The following CEP295 variants were observed in gnomAD, a reference collection of about 807,000 sequenced individuals.
CEP295 encodes the protein centrosomal protein 295.
A neutral mutation model predicts 291.6 loss-of-function variants in CEP295; 190 were observed. That is an observed-to-expected ratio of 0.65 (90% CI 0.58 to 0.73). The LOEUF is 0.73. Among genes scored for constraint, CEP295 ranks in the 30% least tolerant of loss-of-function variants. The pLI is 0.00. For missense variants in CEP295, 2,863 were observed against 2,949.4 expected, an observed-to-expected ratio of 0.97 and a Z score of 0.68; for synonymous variants, 993 against 1,038.8, an observed-to-expected ratio of 0.96 and a Z score of 0.85.
intron 24 of CEP295, 48 bp downstream of exon 24, chr11:93,727,685 G>GA: frequency 1.4e-6 from 2 of 1,416,220 alleles, no homozygotes; most frequent in East Asian, 2.5e-5. Flanking sequence ...TCCTTTTTGG[G>GA]AAAAAACTTT....
In CEP295 at chr11:93,727,476, A is replaced by G. The variant is rs1183327243; in HGVS notation, c.7000A>G (p.Ile2334Val). Residue 2334 changes from isoleucine to valine, a missense_variant, in exon 24 of 30, where the codon ATT (isoleucine) becomes GTT (valine). By Grantham distance (29) the Ile-to-Val change is conservative (BLOSUM62 3). Around this residue, in one of 3 missense-constraint regions of CEP295, gnomAD observed 2,295 missense variants for 2,335.7 expected, o/e 0.98. Coordinates refer to ENST00000325212, the MANE Select transcript of CEP295 (RefSeq NM_033395.2). The stretch of plus-strand genomic sequence containing the variant: ...AAGAACAGTGGAGATGGGAACTTCA[A>G]TTCAGGCACCATATTCCTTAACTAC... ...CVRTVEMGTS[I>V]QAPYSLTTQN... 10 of 1,551,912 alleles carry G rather than the reference A, an allele frequency of 6.4e-6. No individual in the cohort carries two copies. Among genetic ancestry groups the G allele is most frequent in the Middle Eastern group, 3.3e-4 (2 of 6,018 alleles).
At chr11:93,681,385 C>T (rs571988820) in intron 7 of CEP295, among the ~76,000 whole-genome samples, 6 of 137,120 alleles carry the variant, frequency 4.4e-5, no homozygotes, top group Admixed American at 1.5e-4. Flanking sequence ...TACAGGCTCG[C>T]GTCACCACAC....
chr11:93,669,761 T>G lies in CEP295; in HGVS notation c.519T>G (p.Thr173=), dbSNP rs1303451134. The change falls in exon 5 of 30, where the codon ACT becomes ACG. Residue 173 remains threonine, a synonymous_variant. Transcript: ENST00000325212. ...KITSLPPPPP[T]LFENIEVKRI... The stretch of plus-strand genomic sequence containing the variant: ...CAAGTCTGCCACCTCCTCCTCCAAC[T>G]CTTTTTGAGGTGAGTTTGAGTATTA... The G allele has an allele frequency of 1.9e-6, 3 of 1,547,874 alleles. No homozygotes were observed. In the Admixed American group the frequency reaches 5.9e-5, roughly 30 times the overall value.
At chr11:93,696,542 T>G in intron 14 of CEP295, 125 bp downstream of exon 14, 1 of 1,031,314 alleles carries the variant, frequency 9.7e-7, no homozygotes, top group African/African-American at 1.6e-5. Flanking sequence ...CTGCCATTCT[T>G]AAAGGACAAT....
At chr11:93,674,618 G>A (rs557588158) in intron 5 of CEP295, among the ~76,000 whole-genome samples, 19 of 152,274 alleles carry the variant, frequency 1.2e-4, no homozygotes, top group African/African-American at 4.3e-4. Context: ...ATGGTATAGC[G>A]ATAGCTATAA....
chr11:93,725,989 AT>A (rs1954104143), intron 23 of CEP295, among the ~76,000 whole-genome samples, 158 bp downstream of exon 23: 1 of 152,180 alleles, frequency 6.6e-6, no homozygotes, highest in Non-Finnish European at 1.5e-5. Context: ...TAATACATGC[AT>A]TTTTTTAAAC....
chr11:93,721,629 C>T (rs1555006629), intron 19 of CEP295: 1 of 722,860 alleles, frequency 1.4e-6, no homozygotes, highest in Non-Finnish European at 2.6e-6. Flanking sequence ...AGAAGCAAAA[C>T]TATAAAACAA....
rs1305024563 is a variant in CEP295, at chr11:93,702,476, T to A, written c.5291T>A (p.Val1764Asp). 1 of 1,536,904 alleles carries A rather than the reference T, an allele frequency of 6.5e-7. No individual in the cohort carries two copies. The highest frequency in any genetic ancestry group is 1.4e-5 in the African/African-American group (1 of 72,206). ...FKDSQISKPT[V>D]ENDLKTQKMG... ...CTTTTTCAGATAAGTAAGCCCACAG[T>A]TGAAAATGATTTAAAAACCCAGAAG... Residue 1764 changes from valine to aspartate, a missense_variant, in exon 16 of 30, where the codon GTT (valine) becomes GAT (aspartate). Val to Asp is a radical substitution (Grantham distance 152). Transcript: ENST00000325212.
intron 17 of CEP295, among the ~76,000 whole-genome samples, chr11:93,705,414 G>A (rs1226185777): frequency 6.6e-6 from 1 of 152,140 alleles, no homozygotes; most frequent in African/African-American, 2.4e-5. Context: ...AAATAAGGTT[G>A]AGAAATACTG....
chr11:93,708,408 G>T (rs1952663935), intron 18 of CEP295, among the ~76,000 whole-genome samples: 1 of 152,112 alleles, frequency 6.6e-6, no homozygotes, highest in Admixed American at 6.5e-5. Context: ...TGTGAAGTTT[G>T]TCTTTCTGTG....
At chr11:93,687,400 T>A (rs752525616) in intron 9 of CEP295, among the ~76,000 whole-genome samples, 2 of 152,226 alleles carry the variant, frequency 1.3e-5, no homozygotes, top group Non-Finnish European at 2.9e-5. Context: ...TTGTGTTGCA[T>A]ACATGTTTTT....
rs1271835584 is a variant in CEP295, at chr11:93,698,034, A to G, written c.3122A>G (p.Asp1041Gly). Residue 1041 changes from aspartate (D) to glycine (G), a missense_variant, in exon 15 of 30, where the codon GAT becomes GGT. This residue lies in a region of CEP295 where 2,295 missense variants were observed against 2,335.7 expected (regional missense o/e 0.98). Transcript: ENST00000325212. ...SCQSDIPISQ[D>G]GSLSFLQQFL... ...CAATCTGACATCCCCATATCTCAGG[A>G]TGGGTCTTTGAGTTTCCTACAGCAG... 1 of 1,551,676 alleles carries G rather than the reference A, an allele frequency of 6.4e-7. No homozygotes were observed. The highest frequency in any genetic ancestry group is 1.4e-5 in the African/African-American group (1 of 73,034).
intron 18 of CEP295, among the ~76,000 whole-genome samples, chr11:93,718,792 T>C (rs1206318330): frequency 6.6e-6 from 1 of 152,188 alleles, no homozygotes; most frequent in Non-Finnish European, 1.5e-5. Context: ...CAAGACCCTG[T>C]CATCCAAAAA....
chr11:93,728,636 T>C, intron 24 of CEP295, 45 bp from the exon 25 acceptor site: 1 of 1,489,332 alleles, frequency 6.7e-7, no homozygotes, highest in Non-Finnish European at 8.9e-7. Flanking sequence ...TTTAAGTCTT[T>C]TAAGGCTATT....
At chr11:93,670,362 A>G (rs1458735768) in intron 5 of CEP295, among the ~76,000 whole-genome samples, 1 of 149,742 alleles carries the variant, frequency 6.7e-6, no homozygotes, top group Non-Finnish European at 1.5e-5. Flanking sequence ...ATGGGAGTAA[A>G]ATGTGTGCTT....
At position 93,668,730 on chromosome 11, in the gene CEP295, A is replaced by G. The variant is rs1950299756; in HGVS notation, c.310-78A>G. ...TAGAAAGAAGATGACAAAATTGATA[A>G]ATCACTTCTGATATCATATGAGACA... On this transcript the variant is annotated intron_variant, in intron 3 of 29. Coordinates refer to ENST00000325212, the MANE Select transcript of CEP295 (RefSeq NM_033395.2). 3.7e-6 allele frequency: 4 copies of G among 1,078,310 alleles called. No individual in the cohort carries two copies. The South Asian group carries it at 6.2e-5, about 17-fold the overall frequency. The allele number at this position is 1,078,310 out of a possible 1,614,324, so 66.8% of individuals were successfully genotyped here.
chr11:93,687,628 T>C lies in CEP295; in HGVS notation c.1115-16T>C. ...ATAGATGCTAAATAAGTTTTTTCCCTTTTTCTTTCTTTTAGTTCCCTTGGT... is the reference window on the plus strand; with the variant it reads ...ATAGATGCTAAATAAGTTTTTTCCCCTTTTCTTTCTTTTAGTTCCCTTGGT... On this transcript the variant is annotated splice_polypyrimidine_tract_variant and intron_variant, in intron 9 of 29. Transcript: ENST00000325212. The C allele has an allele frequency of 1.4e-6, 2 of 1,403,516 alleles. No individual in the cohort carries two copies. The highest frequency in any genetic ancestry group is 1.5e-5 in the African/African-American group (1 of 68,900). The allele number at this position is 1,403,516 out of a possible 1,614,324, so 86.9% of individuals were successfully genotyped here.
chr11:93,710,900 G>T (rs1166596905), intron 18 of CEP295, among the ~76,000 whole-genome samples: 1 of 152,126 alleles, frequency 6.6e-6, no homozygotes, highest in Non-Finnish European at 1.5e-5. Context: ...TTGGCCTATA[G>T]TTGCTAATAG....
At position 93,698,865 on chromosome 11, in the gene CEP295, A is replaced by C. The variant is rs556725819; in HGVS notation, c.3953A>C (p.Glu1318Ala). 3.3e-5 allele frequency: 51 copies of C among 1,551,694 alleles called. 1 individual carries two copies. In the Admixed American group the frequency reaches 6.1e-4, roughly 18 times the overall value. ...ACAATCCTGGAACCTCTTTTTACAGAGAGTGAAAGTAAAATTTTTTCAAGC... is the reference window on the plus strand; with the variant it reads ...ACAATCCTGGAACCTCTTTTTACAGCGAGTGAAAGTAAAATTTTTTCAAGC... ...SGTILEPLFT[E>A]SESKIFSSHL... The change falls in exon 15 of 30, where the codon GAG becomes GCG. Residue 1318 changes from glutamate to alanine, a missense_variant. Around this residue, in one of 3 missense-constraint regions of CEP295, gnomAD observed 2,295 missense variants for 2,335.7 expected, o/e 0.98. Coordinates refer to ENST00000325212, the MANE Select transcript of CEP295 (RefSeq NM_033395.2).
Sources: allele counts gnomAD v4.1 joint callset (sites outside exome capture counted in the v4.1 genomes callset), GRCh38; gene constraint gnomAD v4.1.1; regional missense constraint gnomAD v4.1.1; transcripts MANE v1.5; gene names NCBI Gene and HGNC (gene_info 2026-07-23, HGNC 2026-07-21).